VAV2: variants seen among roughly 807,000 people sequenced by gnomAD.
VAV2 encodes the protein guanine nucleotide exchange factor VAV2.
VAV2 carries 67 observed loss-of-function variants against 132.5 expected under a neutral mutation model. That is an observed-to-expected ratio of 0.51 (90% CI 0.42 to 0.62). VAV2 has a LOEUF of 0.62. Among genes scored for constraint, VAV2 ranks in the 20% least tolerant of loss-of-function variants. The probability of loss-of-function intolerance (pLI) is 0.00; values close to 1 mark genes in which losing one functional copy is unlikely to be tolerated. For synonymous variants in VAV2, 492 were observed against 443.5 expected (o/e 1.11, Z -1.37); for missense variants, 938 against 1,153.6 (o/e 0.81, Z 2.71).
intron 4 of VAV2, among the ~76,000 whole-genome samples, chr9:133,828,615 G>A (rs1252749357): frequency 2.0e-5 from 3 of 152,242 alleles, no homozygotes. Flanking sequence ...TGTCACTGCA[G>A]TGCCACCAAG....
chr9:133,813,163 C>A (rs1835421874), intron 4 of VAV2, among the ~76,000 whole-genome samples: 1 of 152,244 alleles, frequency 6.6e-6, no homozygotes, highest in Admixed American at 6.5e-5. Context: ...GGAGCTACCC[C>A]AGGCCCAGAC....
intron 1 of VAV2, among the ~76,000 whole-genome samples, chr9:133,982,790 C>T (rs1842739241): frequency 6.6e-6 from 1 of 152,162 alleles, no homozygotes; most frequent in South Asian, 2.1e-4. Flanking sequence ...GTGGGGGAAG[C>T]GTAAGAGTAA....
chr9:133,902,524 G>C (rs1210545299), intron 2 of VAV2, among the ~76,000 whole-genome samples: 3 of 152,206 alleles, frequency 2.0e-5, no homozygotes, highest in African/African-American at 4.8e-5. Context: ...AGGGTATCCA[G>C]AGGCCAGGGG....
At chr9:133,981,764 G>C (rs1403229873) in intron 1 of VAV2, among the ~76,000 whole-genome samples, 1 of 152,198 alleles carries the variant, frequency 6.6e-6, no homozygotes, top group Non-Finnish European at 1.5e-5. Context: ...CACTCATCGT[G>C]TTTCCAAGCA....
At position 133,918,987 on chromosome 9, in the gene VAV2, C is replaced by T. The variant is rs1840202118; in HGVS notation, c.321+20116G>A. 1.3e-5 allele frequency among the ~76,000 whole-genome samples: 2 copies of T among 152,102 alleles called. No individual in the cohort carries two copies. The highest frequency in any genetic ancestry group is 4.8e-5 in the African/African-American group (2 of 41,414). ...ACGGGGTTTCACCATGTTGTCCAGG[C>T]TGGTCTCGAACTCCTGACCTTGTGA... On this transcript the variant is annotated intron_variant, in intron 2 of 29. Coordinates refer to ENST00000371850, the MANE Select transcript of VAV2 (RefSeq NM_001134398.2). The surrounding 1 kb of genome is among the most constrained non-coding windows in gnomAD (Gnocchi z 4.7).
chr9:133,984,304 T>C (rs1266720732), intron 1 of VAV2, among the ~76,000 whole-genome samples: 2 of 152,154 alleles, frequency 1.3e-5, no homozygotes, highest in African/African-American at 2.4e-5. Flanking sequence ...CATGCACATC[T>C]GTAGTTTATT....
intron 2 of VAV2, among the ~76,000 whole-genome samples, chr9:133,889,704 G>A (rs1838853305): frequency 6.6e-6 from 1 of 152,114 alleles, no homozygotes; most frequent in African/African-American, 2.4e-5. Context: ...AAACTCCCCA[G>A]GGCACCCAAC....
At chr9:133,927,286 C>T (rs1448746490) in intron 2 of VAV2, among the ~76,000 whole-genome samples, 2 of 152,174 alleles carry the variant, frequency 1.3e-5, no homozygotes, top group Admixed American at 6.5e-5. Flanking sequence ...GGCTGAGCCT[C>T]GGGACCCTTC....
chr9:133,893,767 G>A (rs1223992890), intron 2 of VAV2, among the ~76,000 whole-genome samples: 9 of 152,204 alleles, frequency 5.9e-5, no homozygotes, highest in African/African-American at 1.9e-4. Context: ...CGCGATGACC[G>A]AGGCCCAGCA....
At chr9:133,959,871 C>T (rs1438885661) in intron 1 of VAV2, among the ~76,000 whole-genome samples, 6 of 152,206 alleles carry the variant, frequency 3.9e-5, no homozygotes, top group Non-Finnish European at 7.3e-5. Flanking sequence ...GGACCCTCCC[C>T]TAGTGCCTCT....
At chr9:133,875,260 G>A (rs1838216065) in intron 2 of VAV2, among the ~76,000 whole-genome samples, 1 of 152,176 alleles carries the variant, frequency 6.6e-6, no homozygotes, top group African/African-American at 2.4e-5. Context: ...CGAACCCTCC[G>A]TGCCAAGGCC....
In VAV2 at chr9:133,930,134, C is replaced by G. The variant is rs142404578; in HGVS notation, c.321+8969G>C. On this transcript the variant is annotated intron_variant, in intron 2 of 29. Coordinates refer to ENST00000371850, the MANE Select transcript of VAV2 (RefSeq NM_001134398.2). Reference sequence around the variant, plus strand: ...GTCATTGCACTGCATCCTCTATAGACTGCTGGTCAGCGCCCTCCCCTCCAG... The same window carrying G: ...GTCATTGCACTGCATCCTCTATAGAGTGCTGGTCAGCGCCCTCCCCTCCAG... 3.4e-3 allele frequency among the ~76,000 whole-genome samples: 522 copies of G among 152,334 alleles called. 3 individuals are homozygous for G. Among genetic ancestry groups the G allele is most frequent in the African/African-American group, 0.011 (476 of 41,566 alleles).
chr9:133,815,730 T>G (rs1835533032), intron 4 of VAV2, among the ~76,000 whole-genome samples: 2 of 152,222 alleles, frequency 1.3e-5, no homozygotes, highest in African/African-American at 4.8e-5. Flanking sequence ...CTCCAAGTTG[T>G]TGCTTATTGT....
intron 2 of VAV2, among the ~76,000 whole-genome samples, chr9:133,900,774 T>C (rs975294720): frequency 2.0e-5 from 2 of 97,704 alleles, no homozygotes; most frequent in Non-Finnish European, 4.7e-5. Flanking sequence ...TTGATTTATT[T>C]ATTTATTTAT....
At chr9:133,968,968 A>G (rs1343649878) in intron 1 of VAV2, among the ~76,000 whole-genome samples, 1 of 152,082 alleles carries the variant, frequency 6.6e-6, no homozygotes, top group Non-Finnish European at 1.5e-5. Flanking sequence ...CCAAAAATCA[A>G]TCTAAGGCAG....
chr9:133,793,841 A>AG (rs1297499624), intron 12 of VAV2, among the ~76,000 whole-genome samples: 3 of 152,132 alleles, frequency 2.0e-5, no homozygotes, highest in Non-Finnish European at 4.4e-5. Flanking sequence ...CTCAGTCCCT[A>AG]GGGGAAATCA....
chr9:133,924,322 G>C (rs1050840857), intron 2 of VAV2, among the ~76,000 whole-genome samples: 1 of 152,042 alleles, frequency 6.6e-6, no homozygotes, highest in African/African-American at 2.4e-5. Context: ...AGCTGGGGTA[G>C]ACTACAGTTA....
intron 3 of VAV2, among the ~76,000 whole-genome samples, chr9:133,835,070 A>G (rs745735909): frequency 6.6e-6 from 1 of 151,838 alleles, no homozygotes; most frequent in Non-Finnish European, 1.5e-5. Flanking sequence ...ATATATATAT[A>G]TAACACATAA....
chr9:133,956,632 A>G (rs1841790001), intron 1 of VAV2, among the ~76,000 whole-genome samples: 1 of 152,232 alleles, frequency 6.6e-6, no homozygotes, highest in Non-Finnish European at 1.5e-5. Context: ...ATCAACTGAG[A>G]AGCTGTACTT....
Sources: allele counts gnomAD v4.1 joint callset (sites outside exome capture counted in the v4.1 genomes callset), GRCh38; gene constraint gnomAD v4.1.1; non-coding constraint Gnocchi (gnomAD v3.1); transcripts MANE v1.5; gene names NCBI Gene and HGNC (gene_info 2026-07-23, HGNC 2026-07-21).